Variants in SHANK2 observed in about 807,000 individuals in gnomAD.
SHANK2 encodes the protein SH3 and multiple ankyrin repeat domains protein 2.
In SHANK2, 43 loss-of-function variants were observed where a neutral mutation model predicts 133.7. The ratio of observed to expected loss-of-function variants is 0.32; its 90% CI spans 0.25 to 0.41. The LOEUF (loss-of-function observed/expected upper bound fraction) is 0.41. Among genes scored for constraint, SHANK2 ranks in the 10% least tolerant of loss-of-function variants. SHANK2 has a pLI of 1.00. For missense variants in SHANK2, 1,994 were observed against 2,235.8 expected (o/e 0.89, Z 2.18); for synonymous variants, 1,017 against 952.8 (o/e 1.07, Z -1.24).
intron 10 of SHANK2, among the ~76,000 whole-genome samples, chr11:70,905,471 C>T (rs554043612): frequency 1.3e-5 from 2 of 152,242 alleles, no homozygotes; most frequent in South Asian, 2.1e-4. Flanking sequence ...AGTGGCCGTG[C>T]GGATTTCTGC....
chr11:70,931,447 G>A (rs1193939685), intron 10 of SHANK2, among the ~76,000 whole-genome samples: 1 of 152,130 alleles, frequency 6.6e-6, no homozygotes, highest in Non-Finnish European at 1.5e-5. Context: ...CTACCCCTCC[G>A]AACAGCCCTC....
intron 25 of SHANK2, among the ~76,000 whole-genome samples, chr11:70,484,573 C>CAAG (rs1555152484): frequency 6.6e-6 from 1 of 152,152 alleles, no homozygotes; most frequent in Non-Finnish European, 1.5e-5. Context: ...TATAGCAGTG[C>CAAG]AAGAATGATC....
At chr11:70,851,217 C>T (rs1253926644) in intron 11 of SHANK2, among the ~76,000 whole-genome samples, 3 of 152,132 alleles carry the variant, frequency 2.0e-5, no homozygotes, top group Admixed American at 6.5e-5. Context: ...AAAAGATCTT[C>T]TCCCCAACAA....
At chr11:71,076,252 G>C (rs1420386393) in intron 8 of SHANK2, among the ~76,000 whole-genome samples, 1 of 152,126 alleles carries the variant, frequency 6.6e-6, no homozygotes, top group Admixed American at 6.5e-5. Context: ...TCCCAGGGTC[G>C]GGAGGGAAAG....
At chr11:71,243,420 C>T (rs1467569028) in intron 1 of SHANK2, among the ~76,000 whole-genome samples, 8 of 152,158 alleles carry the variant, frequency 5.3e-5, no homozygotes, top group South Asian at 2.1e-4. Flanking sequence ...TCAGGCCGGG[C>T]GTGGTGGCTG....
At chr11:70,577,821 T>C (rs572987522) in intron 17 of SHANK2, among the ~76,000 whole-genome samples, 2 of 152,344 alleles carry the variant, frequency 1.3e-5, no homozygotes, top group African/African-American at 2.4e-5. Flanking sequence ...TATTTGCAGA[T>C]AGGGCCTTGA....
At chr11:71,095,504 A>G (rs1300568094) in intron 6 of SHANK2, among the ~76,000 whole-genome samples, 1 of 152,248 alleles carries the variant, frequency 6.6e-6, no homozygotes, top group Non-Finnish European at 1.5e-5. Flanking sequence ...AAAAGTGCAC[A>G]GAGTACCAGG....
At chr11:70,783,459 T>G (rs1296341263) in intron 14 of SHANK2, among the ~76,000 whole-genome samples, 1 of 152,088 alleles carries the variant, frequency 6.6e-6, no homozygotes, top group African/African-American at 2.4e-5. Context: ...GACCCAGATC[T>G]ACTCACATGG....
chr11:70,635,592 G>A (rs2061064553), intron 17 of SHANK2: 1 of 152,126 alleles, frequency 6.6e-6, no homozygotes, highest in Admixed American at 6.6e-5. Context: ...ATAGGGAAGA[G>A]TTTCAGTTTG....
chr11:70,518,404 A>G (rs11236502), intron 17 of SHANK2, among the ~76,000 whole-genome samples: 38,758 of 152,112 alleles, frequency 0.25, 5,135 homozygotes, highest in South Asian at 0.33. Flanking sequence ...TCTCATGCCT[A>G]AAAAGCGACT....
intron 15 of SHANK2, chr11:70,662,035 C>T (rs944163614): frequency 2.1e-5 from 11 of 527,326 alleles, no homozygotes; most frequent in Admixed American, 1.9e-4. Context: ...GTAAGTGGCC[C>T]GAACGGCGGC....
chr11:71,120,071 G>A (rs1345526669), intron 3 of SHANK2, among the ~76,000 whole-genome samples: 1 of 152,192 alleles, frequency 6.6e-6, no homozygotes, highest in Non-Finnish European at 1.5e-5. Context: ...CAGTTGCCAT[G>A]AGAGTTCATT....
intron 6 of SHANK2, among the ~76,000 whole-genome samples, chr11:71,100,734 G>GCA (rs1421797140): frequency 1.3e-5 from 2 of 152,078 alleles, no homozygotes; most frequent in African/African-American, 4.8e-5. Flanking sequence ...AGGCATGGTG[G>GCA]CACACGCCTG....
Position 70,569,066 on chromosome 11 carries a change from G to T in SHANK2, c.2062-66135C>A, listed in dbSNP as rs1206778145. ...GCAGCATGCAGGCCCCACTCCTGCC[G>T]CTGGACTTACAGTGAACGGAGCCAG... On this transcript the variant is annotated intron_variant, in intron 17 of 25. Coordinates refer to ENST00000601538, the MANE Select transcript of SHANK2 (RefSeq NM_012309.5). The surrounding 1 kb of genome is among the most constrained non-coding windows in gnomAD (Gnocchi z 5.1). Among the ~76,000 whole-genome samples the T allele has an allele frequency of 6.6e-6, 1 of 152,150 alleles. No homozygotes were observed. Among genetic ancestry groups the T allele is most frequent in the Non-Finnish European group, 1.5e-5 (1 of 68,018 alleles).
intron 15 of SHANK2, among the ~76,000 whole-genome samples, chr11:70,670,761 C>T (rs1230510844): frequency 6.6e-6 from 1 of 152,224 alleles, no homozygotes; most frequent in East Asian, 1.9e-4. Context: ...CCCCGGCCAG[C>T]CTGCTCCTGG....
At chr11:71,176,722 C>A (rs1953454138) in intron 2 of SHANK2, among the ~76,000 whole-genome samples, 1 of 151,840 alleles carries the variant, frequency 6.6e-6, no homozygotes, top group African/African-American at 2.4e-5. Flanking sequence ...ATCAGTGAAC[C>A]ATGAAACAAT....
At chr11:71,200,717 C>G (rs1770563142) in intron 2 of SHANK2, among the ~76,000 whole-genome samples, 1 of 151,998 alleles carries the variant, frequency 6.6e-6, no homozygotes, top group African/African-American at 2.4e-5. Flanking sequence ...CTTCCCACTG[C>G]TGTCATTTTG....
intron 15 of SHANK2, chr11:70,698,149 T>A: frequency 6.2e-6 from 1 of 161,292 alleles, no homozygotes. Context: ...GCCAGTCACA[T>A]TGTCAAAGAT....
intron 14 of SHANK2, among the ~76,000 whole-genome samples, chr11:70,702,857 T>C (rs1375792860): frequency 6.6e-6 from 1 of 152,244 alleles, no homozygotes; most frequent in Non-Finnish European, 1.5e-5. Context: ...TGCCACTTAC[T>C]GGCTGCAAGT....
Sources: gnomAD v4.1 joint callset for allele counts (sites outside exome capture counted in the v4.1 genomes callset) on GRCh38, gnomAD v4.1.1 for gene constraint, Gnocchi (gnomAD v3.1) non-coding constraint, MANE v1.5 for transcripts, NCBI Gene and HGNC (gene_info 2026-07-23, HGNC 2026-07-21) for gene names.